DMD: variants seen among roughly 807,000 people sequenced by gnomAD.
DMD encodes the protein mutant dystrophin.
Under a neutral mutation model 330.1 loss-of-function variants are expected in DMD, and 63 were observed. The observed-to-expected ratio is 0.19, with a 90% CI of 0.16 to 0.24. DMD has a LOEUF of 0.24. Among genes scored for constraint, DMD ranks in the 10% least tolerant of loss-of-function variants. DMD has a pLI of 1.00. For synonymous variants in DMD, 1,223 were observed against 959.8 expected, an observed-to-expected ratio of 1.27 and a Z score of -5.07; for missense variants, 3,344 against 2,684.1, an observed-to-expected ratio of 1.25 and a Z score of -5.43.
chrX:32,287,445 A>G (rs745693709), intron 43 of DMD, 84 bp downstream of exon 43: 2 of 943,077 alleles, frequency 2.1e-6, no homozygotes, highest in Middle Eastern at 2.8e-4. Flanking sequence ...TCTTTTTTCC[A>G]TGGAGGGTAC....
chrX:32,615,971 G>A (rs139369887), intron 11 of DMD, among the ~76,000 whole-genome samples: 323 of 110,711 alleles, frequency 2.9e-3, no homozygotes, highest in African/African-American at 0.01. Flanking sequence ...TCCTTAATCT[G>A]CTTTTGGCTA....
intron 1 of DMD, among the ~76,000 whole-genome samples, chrX:33,172,573 C>A (rs181060470): frequency 2.2e-4 from 24 of 111,426 alleles, no homozygotes; most frequent in African/African-American, 6.8e-4. Context: ...TCCACCACTG[C>A]CAAACATACT....
chrX:31,254,842 C>T (rs779749517), intron 63 of DMD, among the ~76,000 whole-genome samples: 12 of 109,762 alleles, frequency 1.1e-4, no homozygotes, highest in Admixed American at 6.9e-4. Flanking sequence ...GAGTTTGAGA[C>T]CAGGCTGGGC....
intron 60 of DMD, among the ~76,000 whole-genome samples, chrX:31,397,735 T>C (rs911869030): frequency 9.0e-6 from 1 of 111,729 alleles, no homozygotes; most frequent in African/African-American, 3.3e-5. Flanking sequence ...TAATGCAAAA[T>C]TGTAAGGCTG....
chrX:32,893,749 A>C (rs2085441609), intron 2 of DMD, among the ~76,000 whole-genome samples: 1 of 111,676 alleles, frequency 9.0e-6, no homozygotes, highest in African/African-American at 3.3e-5. Context: ...CTACTAAATA[A>C]TCCCCTACTT....
chrX:32,017,999 AGT>A (rs968737127), intron 44 of DMD, among the ~76,000 whole-genome samples: 3 of 110,858 alleles, frequency 2.7e-5, no homozygotes, highest in African/African-American at 9.9e-5. Flanking sequence ...CAATTTATCG[AGT>A]ACCTGTTTCA....
chrX:31,559,663 A>T (rs796232245), intron 55 of DMD, among the ~76,000 whole-genome samples: 71 of 86,975 alleles, frequency 8.2e-4, no homozygotes, highest in African/African-American at 1.7e-3. Context: ...AAAAAAAAAA[A>T]AAGACTTCTT....
chrX:32,897,530 A>C (rs1303990691), intron 2 of DMD, among the ~76,000 whole-genome samples: 1 of 111,789 alleles, frequency 8.9e-6, no homozygotes, highest in Non-Finnish European at 1.9e-5. Flanking sequence ...TTATCCATTA[A>C]TTGTTCTGTC....
At chrX:31,630,087 G>A (rs1417155667) in intron 54 of DMD, among the ~76,000 whole-genome samples, 1 of 111,848 alleles carries the variant, frequency 8.9e-6, no homozygotes, top group Non-Finnish European at 1.9e-5. Context: ...TAGAAATGCC[G>A]CTTACCCTCT....
chrX:33,267,592 A>G (rs1170811593), intron 1 of DMD, among the ~76,000 whole-genome samples: 1 of 111,712 alleles, frequency 9.0e-6, no homozygotes, highest in Non-Finnish European at 1.9e-5. Flanking sequence ...GAGGCATCAC[A>G]CTACAGTACT....
At chrX:31,788,927 A>G (rs1334318306) in intron 50 of DMD, among the ~76,000 whole-genome samples, 1 of 110,536 alleles carries the variant, frequency 9.0e-6, no homozygotes, top group African/African-American at 3.3e-5. Context: ...GGAAACCAAA[A>G]TATCTTTTTC....
chrX:31,738,189 C>T (rs181340115), intron 51 of DMD, among the ~76,000 whole-genome samples: 3 of 111,413 alleles, frequency 2.7e-5, no homozygotes, highest in African/African-American at 9.8e-5. Context: ...GATACCCATA[C>T]GTAAAAAGTG....
At chrX:32,808,228 T>C (rs576675711) in intron 7 of DMD, among the ~76,000 whole-genome samples, 2 of 111,896 alleles carry the variant, frequency 1.8e-5, no homozygotes, top group South Asian at 3.7e-4. Context: ...GTATTCAGTG[T>C]TCAGCCATGC....
intron 9 of DMD, among the ~76,000 whole-genome samples, chrX:32,678,514 G>A (rs1249142102): frequency 9.0e-6 from 1 of 111,247 alleles, no homozygotes; most frequent in Non-Finnish European, 1.9e-5. Context: ...GTGTGTGTGT[G>A]TGTGTGTTGT....
chrX:33,335,615 T>C (rs2054241154), intron 1 of DMD, among the ~76,000 whole-genome samples: 1 of 110,867 alleles, frequency 9.0e-6, no homozygotes, highest in Non-Finnish European at 1.9e-5. Flanking sequence ...TTCAATGTAT[T>C]TGTTCTGCTT....
intron 1 of DMD, among the ~76,000 whole-genome samples, chrX:33,062,353 T>C (rs1198296205): frequency 1.8e-5 from 2 of 111,238 alleles, no homozygotes; most frequent in East Asian, 2.8e-4. Context: ...TATTTTTGAA[T>C]ATGTACATTT....
rs541007100 is a variant in DMD, at chrX:33,136,965, T to G, written c.31+74317A>C. 2.1e-4 allele frequency among the ~76,000 whole-genome samples: 23 copies of G among 110,739 alleles called. No individual in the cohort carries two copies. In the South Asian group the frequency reaches 3.8e-3, roughly 18 times the overall value. On this transcript the variant is annotated intron_variant, in intron 1 of 78. Transcript: ENST00000357033. ...AAGTGGTACAAGTTTAATACATATA[T>G]AAATATACAAGTTTAGTATATATTT...
chrX:32,447,194 G>A (rs545085474), intron 27 of DMD, among the ~76,000 whole-genome samples: 442 of 110,479 alleles, frequency 4.0e-3, no homozygotes, highest in African/African-American at 0.011. Flanking sequence ...ATTGTAACAT[G>A]TTAGTGAATT....
chrX:32,786,659 C>G (rs896278338), intron 7 of DMD, among the ~76,000 whole-genome samples: 1 of 111,512 alleles, frequency 9.0e-6, no homozygotes, highest in Non-Finnish European at 1.9e-5. Context: ...AAAAACAAAC[C>G]CAATTAGCCC....
Sources: allele counts gnomAD v4.1 joint callset (sites outside exome capture counted in the v4.1 genomes callset), GRCh38; gene constraint gnomAD v4.1.1; transcripts MANE v1.5; gene names NCBI Gene and HGNC (gene_info 2026-07-23, HGNC 2026-07-21).